Variants in DLG2 observed in about 807,000 individuals in gnomAD.
DLG2 encodes discs large MAGUK scaffold protein 2.
DLG2 carries 45 observed loss-of-function variants against 132.5 expected under a neutral mutation model. That is an observed-to-expected ratio of 0.34 (90% CI 0.27 to 0.44). The LOEUF is 0.44. Ranked by LOEUF, DLG2 falls within the 20% of genes least tolerant of loss-of-function variation. DLG2 has a pLI of 1.00. For missense variants in DLG2, 1,045 were observed against 1,196.9 expected (o/e 0.87, Z 1.87); for synonymous variants, 424 against 419.6 (o/e 1.01, Z -0.13).
chr11:84,178,894 A>G (rs573175935), intron 8 of DLG2, among the ~76,000 whole-genome samples: 2 of 152,230 alleles, frequency 1.3e-5, no homozygotes, highest in South Asian at 4.1e-4. Flanking sequence ...AGAAGAGGGC[A>G]AATCAGAATC....
chr11:84,140,790 ATAGG>A (rs1172639640), intron 9 of DLG2, among the ~76,000 whole-genome samples: 1 of 151,978 alleles, frequency 6.6e-6, no homozygotes, highest in African/African-American at 2.4e-5. Flanking sequence ...TTTCCTTTTG[ATAGG>A]TGGGCTTAAG....
chr11:83,551,350 T>G (rs2096386154), intron 19 of DLG2, among the ~76,000 whole-genome samples: 1 of 152,138 alleles, frequency 6.6e-6, no homozygotes, highest in African/African-American at 2.4e-5. Flanking sequence ...TTTTAAGTGT[T>G]TATGGACTGA....
intron 3 of DLG2, among the ~76,000 whole-genome samples, chr11:85,556,994 A>G (rs532615114): frequency 1.9e-4 from 29 of 151,970 alleles, no homozygotes; most frequent in South Asian, 6.2e-4. Context: ...ATAAGAAAAT[A>G]AGTCATTATC....
At chr11:85,462,049 C>T (rs576562369) in intron 3 of DLG2, among the ~76,000 whole-genome samples, 31 of 152,174 alleles carry the variant, frequency 2.0e-4, no homozygotes, top group Admixed American at 1.4e-3. Context: ...CACATGAAAA[C>T]ATGCTCATCA....
rs866383521 is a variant in DLG2 at position 85,391,769 on chromosome 11, G to T, written c.41-106404C>A. Among the ~76,000 whole-genome samples, 43 of 152,170 alleles carry T rather than the reference G, an allele frequency of 2.8e-4. No individual in the cohort carries two copies. The Middle Eastern group carries it at 0.014, about 48-fold the overall frequency. ...ATGATTAAAATTCTCAGCAAAATCA[G>T]CATACAAGGGACACACCTTAAGGTA... On this transcript the variant is annotated intron_variant, in intron 3 of 27. Coordinates refer to ENST00000376104, the MANE Select transcript of DLG2 (RefSeq NM_001142699.3).
intron 4 of DLG2, among the ~76,000 whole-genome samples, chr11:85,261,774 T>C (rs912217660): frequency 6.6e-6 from 1 of 152,062 alleles, no homozygotes; most frequent in African/African-American, 2.4e-5. Flanking sequence ...AATGGGATCA[T>C]AAGTGGCCCC....
At chr11:84,160,508 G>A (rs1477723752) in intron 9 of DLG2, among the ~76,000 whole-genome samples, 1 of 152,056 alleles carries the variant, frequency 6.6e-6, no homozygotes, top group Non-Finnish European at 1.5e-5. Context: ...AAAAAATGAG[G>A]TAATAAGGGG....
At chr11:84,991,766 G>A (rs558647577) in intron 6 of DLG2, among the ~76,000 whole-genome samples, 11 of 152,158 alleles carry the variant, frequency 7.2e-5, no homozygotes, top group South Asian at 2.1e-4. Context: ...ATGGCAGATC[G>A]TCCCATATTA....
intron 6 of DLG2, among the ~76,000 whole-genome samples, chr11:85,036,507 T>C (rs188575898): frequency 1.4e-3 from 210 of 152,298 alleles, no homozygotes; most frequent in Non-Finnish European, 2.6e-3. Flanking sequence ...AATTTTAAAA[T>C]TATATTATTT....
chr11:83,967,095 A>T (rs908716968), intron 12 of DLG2, among the ~76,000 whole-genome samples: 1 of 152,040 alleles, frequency 6.6e-6, no homozygotes, highest in East Asian at 1.9e-4. Flanking sequence ...TGAATATTTC[A>T]TTGTGCATAT....
chr11:85,016,054 TA>T (rs1047332826), intron 6 of DLG2, among the ~76,000 whole-genome samples: 11 of 151,268 alleles, frequency 7.3e-5, no homozygotes, highest in South Asian at 2.1e-4. Context: ...AAATAGAAAT[TA>T]AAAAAAAACT....
chr11:85,061,338 TC>T (rs1434224339), intron 6 of DLG2, among the ~76,000 whole-genome samples: 4 of 148,932 alleles, frequency 2.7e-5, no homozygotes, highest in Non-Finnish European at 4.5e-5. Context: ...CATCTTTTTT[TC>T]TACAAATTAT....
At chr11:84,533,630 G>A (rs1481617256) in intron 7 of DLG2, among the ~76,000 whole-genome samples, 1 of 151,936 alleles carries the variant, frequency 6.6e-6, no homozygotes, top group Non-Finnish European at 1.5e-5. Context: ...TGTTTTTGCA[G>A]GTATAATAAG....
intron 17 of DLG2, among the ~76,000 whole-genome samples, chr11:83,788,794 TA>T (rs1300155840): frequency 1.3e-5 from 2 of 152,222 alleles, no homozygotes; most frequent in Non-Finnish European, 2.9e-5. Flanking sequence ...AAGGAAGAGG[TA>T]AAAGTCCCCT....
chr11:85,195,570 C>T (rs866457396), intron 4 of DLG2, among the ~76,000 whole-genome samples: 3 of 142,180 alleles, frequency 2.1e-5, no homozygotes, highest in South Asian at 4.4e-4. Context: ...GTGGCCCAGG[C>T]GGGAGTGCAG....
chr11:83,793,619 C>T (rs939137113), intron 17 of DLG2, among the ~76,000 whole-genome samples: 8 of 152,040 alleles, frequency 5.3e-5, no homozygotes, highest in Admixed American at 1.3e-4. Context: ...TTAGACAAAA[C>T]GGGTTAAATC....
At chr11:84,169,086 T>C (rs1322032845) in intron 8 of DLG2, among the ~76,000 whole-genome samples, 1 of 151,780 alleles carries the variant, frequency 6.6e-6, no homozygotes, top group African/African-American at 2.4e-5. Flanking sequence ...GTAAGTTCCT[T>C]AATCTCTTAA....
At chr11:84,253,772 G>A (rs1392504379) in intron 7 of DLG2, among the ~76,000 whole-genome samples, 1 of 152,110 alleles carries the variant, frequency 6.6e-6, no homozygotes, top group Admixed American at 6.6e-5. Flanking sequence ...TGAGGAAAAT[G>A]AGGCTCAGTG....
intron 7 of DLG2, among the ~76,000 whole-genome samples, chr11:84,526,768 T>G (rs2099321800): frequency 6.7e-6 from 1 of 148,218 alleles, no homozygotes; most frequent in Admixed American, 6.7e-5. Context: ...ATGCATCCAC[T>G]GGGGGTGTTT....
Sources: gnomAD v4.1 joint callset for allele counts (sites outside exome capture counted in the v4.1 genomes callset) on GRCh38, gnomAD v4.1.1 for gene constraint, MANE v1.5 for transcripts, NCBI Gene and HGNC (gene_info 2026-07-23, HGNC 2026-07-21) for gene names.